SYDE1: variants seen among roughly 807,000 people sequenced by gnomAD.
The protein encoded by SYDE1 is rho GTPase-activating protein SYDE1.
A neutral mutation model predicts 63.3 loss-of-function variants in SYDE1; 34 were observed. The ratio of observed to expected loss-of-function variants is 0.54; its 90% CI spans 0.41 to 0.71. The LOEUF (loss-of-function observed/expected upper bound fraction) is 0.71, where lower values mean the gene tolerates loss of function less well. SYDE1 is among the 30% of genes least tolerant of loss of function. The probability of loss-of-function intolerance (pLI) is 0.00; values close to 1 mark genes in which losing one functional copy is unlikely to be tolerated. For missense variants in SYDE1, 925 were observed against 1,042.5 expected, an observed-to-expected ratio of 0.89 and a Z score of 1.55; for synonymous variants, 467 against 473.4, an observed-to-expected ratio of 0.99 and a Z score of 0.18.
Position 15,110,604 on chromosome 19 carries a change from G to A in SYDE1, c.1159G>A (p.Ala387Thr), listed in dbSNP as rs1402402297. The A allele has an allele frequency of 6.3e-7, 1 of 1,592,746 alleles. No individual in the cohort carries two copies. The highest frequency in any genetic ancestry group is 1.3e-5 in the African/African-American group (1 of 74,584). Residue 387 changes from alanine to threonine, a missense_variant, in exon 4 of 8, where the codon GCC becomes ACC. Around this residue, in one of 3 missense-constraint regions of SYDE1, gnomAD observed 599 missense variants for 653.7 expected, o/e 0.92. Transcript: ENST00000342784. The surrounding 1 kb of genome is among the most constrained non-coding windows in gnomAD (Gnocchi z 6.9). ...AKLTLSEQQE[A>T]PATAEPRVFG... Reference sequence around the variant, plus strand: ...GCTGACCCTGTCGGAGCAGCAGGAAGCCCCTGCCACAGCTGAGCCCCGCGT... The same window carrying A: ...GCTGACCCTGTCGGAGCAGCAGGAAACCCCTGCCACAGCTGAGCCCCGCGT...
rs762030826 is a variant in SYDE1, at chr19:15,109,160, A to C, written c.193A>C (p.Arg65=). 23 of 1,553,108 alleles carry C rather than the reference A, an allele frequency of 1.5e-5. No individual in the cohort carries two copies. The highest frequency in any genetic ancestry group is 1.6e-5 in the Non-Finnish European group (18 of 1,147,886). The change falls in exon 2 of 8, where the codon AGG becomes CGG. Residue 65 remains arginine, a synonymous_variant. Transcript: ENST00000342784. The surrounding 1 kb of genome is among the most constrained non-coding windows in gnomAD (Gnocchi z 5.0). ...GGGGCCCTCCAGCCCCGAGGCATCAAGGAGCCCTGCACGGGGAGCCTACCT... is the reference window on the plus strand; with the variant it reads ...GGGGCCCTCCAGCCCCGAGGCATCACGGAGCCCTGCACGGGGAGCCTACCT... ...AEGPSSPEAS[R]SPARGAYLQS... is the part of the protein sequence containing the mutation.
In SYDE1 at chr19:15,109,955, G is replaced by T; in HGVS notation, c.682G>T (p.Gly228Cys). The change falls in exon 3 of 8, where the codon GGT becomes TGT. Residue 228 changes from glycine to cysteine, a missense_variant. This residue lies in a region of SYDE1 where 599 missense variants were observed against 653.7 expected (regional missense o/e 0.92). Coordinates refer to ENST00000342784, the MANE Select transcript of SYDE1 (RefSeq NM_033025.6). The surrounding 1 kb of genome is among the most constrained non-coding windows in gnomAD (Gnocchi z 5.0). ...TGGGGGCACCCGGAGCCCGAGGGCC[G>T]GTTACCTCAGCGACGGGGACTCACC... is the stretch of plus-strand genomic sequence containing the variant. Reference protein sequence around the residue: ...GPGGTRSPRAGYLSDGDSPER... With the variant: ...GPGGTRSPRACYLSDGDSPER... The T allele has an allele frequency of 1.4e-6, 2 of 1,470,708 alleles. No homozygotes were observed. The highest frequency in any genetic ancestry group is 1.8e-6 in the Non-Finnish European group (2 of 1,118,796). 91.1% of individuals were successfully genotyped at this position (1,470,708 alleles called of 1,614,324 possible).
chr19:15,112,304 G>A (rs1295079426), intron 6 of SYDE1, 42 bp from the exon 7 acceptor site: 1 of 1,422,652 alleles, frequency 7.0e-7, no homozygotes, highest in East Asian at 2.5e-5. Flanking sequence ...TGCCACAGGG[G>A]CCTGACTTTG....
Position 15,108,298 on chromosome 19 carries a change from CTTCCCAAAGA to C in SYDE1, c.89-750_89-741del, listed in dbSNP as rs1198363404. 6.6e-6 allele frequency among the ~76,000 whole-genome samples: 1 copy of C among 152,160 alleles called. No individual in the cohort carries two copies. Among genetic ancestry groups the C allele is most frequent in the African/African-American group, 2.4e-5 (1 of 41,434 alleles). ...ATGGACGTACCCCTTCCCCCCAGGC[CTTCCCAAAGA>C]TTCCCAATGTTCCCAGGGAAGGGAG... On this transcript the variant is annotated intron_variant, in intron 1 of 7. Coordinates refer to ENST00000342784, the MANE Select transcript of SYDE1 (RefSeq NM_033025.6). This position sits in a 1 kb window ranked among gnomAD's most constrained non-coding sequence, Gnocchi z 4.3.
At chr19:15,113,435 T>G (rs2046358988) in intron 7 of SYDE1, 125 bp from the exon 8 acceptor site, 1 of 1,139,422 alleles carries the variant, frequency 8.8e-7, no homozygotes, top group Admixed American at 2.4e-5. Flanking sequence ...GTCCTAGCTC[T>G]GCCAGTGAAA....
chr19:15,109,482 C>T lies in SYDE1; in HGVS notation c.430+85C>T. The T allele has an allele frequency of 7.0e-7, 1 of 1,421,192 alleles. No individual in the cohort carries two copies. Among genetic ancestry groups the T allele is most frequent in the African/African-American group, 1.4e-5 (1 of 69,144 alleles). The allele number at this position is 1,421,192 out of a possible 1,614,324, so 88.0% of individuals were successfully genotyped here. A position where few individuals can be genotyped will look rare whatever the true frequency, so the allele number is the denominator to read the frequency against. ...TTCAGGGTAGCACCAGCCTCACACT[C>T]CCTCCTCCCAGAGGAGCACCAACCT... is the stretch of plus-strand genomic sequence containing the variant. On this transcript the variant is annotated intron_variant, in intron 2 of 7. Coordinates refer to ENST00000342784, the MANE Select transcript of SYDE1 (RefSeq NM_033025.6). The surrounding 1 kb of genome is among the most constrained non-coding windows in gnomAD (Gnocchi z 5.0).
In SYDE1 at chr19:15,110,400, G is replaced by A. The variant is rs1470382500; in HGVS notation, c.1075+52G>A. The A allele has an allele frequency of 1.4e-6, 2 of 1,441,964 alleles. No homozygotes were observed. Among genetic ancestry groups the A allele is most frequent in the African/African-American group, 1.4e-5 (1 of 70,296 alleles). The allele number at this position is 1,441,964 out of a possible 1,614,324, so 89.3% of individuals were successfully genotyped here. On this transcript the variant is annotated intron_variant, in intron 3 of 7. Transcript: ENST00000342784. The surrounding 1 kb of genome is among the most constrained non-coding windows in gnomAD (Gnocchi z 6.9). Reference sequence around the variant, plus strand: ...GGGGCAGGGACCCCCAAACCCCACCGCCACCCCCCGCAGAGTGCCTAGGGG... The same window carrying A: ...GGGGCAGGGACCCCCAAACCCCACCACCACCCCCCGCAGAGTGCCTAGGGG...
Position 15,111,735 on chromosome 19 carries a change from TC to T in SYDE1, c.1527del (p.Thr510ProfsTer20), listed in dbSNP as rs770943850. 5 of 1,609,166 alleles carry T rather than the reference TC, an allele frequency of 3.1e-6. No homozygotes were observed. The highest frequency in any genetic ancestry group is 4.2e-6 in the Non-Finnish European group (5 of 1,177,656). On this transcript the variant is annotated frameshift_variant, in exon 6 of 8. Transcript: ENST00000342784. LOFTEE classifies it high-confidence loss of function. The surrounding 1 kb of genome is among the most constrained non-coding windows in gnomAD (Gnocchi z 5.5). ...TGGCCCGGGACCCCCCAAACAGAGT[TC>T]CCCCCACCACTGAGGGCACCCGAGG... The part of the protein sequence containing the change: ...AMARDPPNRV[P>X]PTTEGTRGLL...
At position 15,113,878 on chromosome 19, in the gene SYDE1, A is replaced by T. The variant is rs745825704; in HGVS notation, c.2123A>T (p.Asn708Ile). 1 of 1,614,120 alleles carries T rather than the reference A, an allele frequency of 6.2e-7. No homozygotes were observed. The highest frequency in any genetic ancestry group is 1.7e-5 in the Admixed American group (1 of 60,028). Residue 708 changes from asparagine (N) to isoleucine (I), a missense_variant, in exon 8 of 8, where the codon AAC becomes ATC. Coordinates refer to ENST00000342784, the MANE Select transcript of SYDE1 (RefSeq NM_033025.6). ...GAAGACGACTTCGATGCGCCCTTCA[A>T]CCCGCACCTGAATCTCAAAGACTTC... ...DFEDDFDAPFNPHLNLKDFDA... is the reference protein window; with the variant it reads ...DFEDDFDAPFIPHLNLKDFDA...
Position 15,109,071 on chromosome 19 carries a change from G to A in SYDE1, c.104G>A (p.Arg35His), listed in dbSNP as rs779428186. ...DAKERGHPAQ[R>H]PEPSPPEPEP... ...TCTCTGCCAGGCCACCCAGCCCAGC[G>A]CCCAGAGCCCAGCCCTCCAGAGCCA... Residue 35 changes from arginine (R) to histidine (H), a missense_variant, in exon 2 of 8, where the codon CGC becomes CAC. Coordinates refer to ENST00000342784, the MANE Select transcript of SYDE1 (RefSeq NM_033025.6). The surrounding 1 kb of genome is among the most constrained non-coding windows in gnomAD (Gnocchi z 5.0). The A allele has an allele frequency of 1.9e-5, 28 of 1,507,518 alleles. 1 individual carries two copies. Among genetic ancestry groups the A allele is most frequent in the South Asian group, 1.5e-4 (12 of 78,010 alleles). The allele number at this position is 1,507,518 out of a possible 1,614,324, so 93.4% of individuals were successfully genotyped here. A position where few individuals can be genotyped will look rare whatever the true frequency, so the allele number is the denominator to read the frequency against.
rs777374837 is a variant in SYDE1, at chr19:15,113,864, C to G, written c.2109C>G (p.Phe703Leu). Residue 703 changes from phenylalanine to leucine, a missense_variant, in exon 8 of 8, where the codon TTC (phenylalanine) becomes TTG (leucine). Coordinates refer to ENST00000342784, the MANE Select transcript of SYDE1 (RefSeq NM_033025.6). ...TCACCGGTGACTTCGAAGACGACTT[C>G]GATGCGCCCTTCAACCCGCACCTGA... ...PRVTGDFEDD[F>L]DAPFNPHLNL... 6 of 1,614,202 alleles carry G rather than the reference C, an allele frequency of 3.7e-6. No individual in the cohort carries two copies. In the South Asian group the frequency reaches 6.6e-5, roughly 18 times the overall value.
In SYDE1 at chr19:15,109,327, C is replaced by G; in HGVS notation, c.360C>G (p.Pro120=). The change falls in exon 2 of 8, where the codon CCC becomes CCG. Residue 120 remains proline (P), a synonymous_variant. Transcript: ENST00000342784. This position sits in a 1 kb window ranked among gnomAD's most constrained non-coding sequence, Gnocchi z 5.0. ...IWYNPIPEED[P]RPPAPEPPGP... is the part of the protein sequence containing the mutation. ...ACAACCCCATCCCTGAGGAAGACCCCAGACCTCCAGCACCTGAGCCCCCGG... is the reference window on the plus strand; with the variant it reads ...ACAACCCCATCCCTGAGGAAGACCCGAGACCTCCAGCACCTGAGCCCCCGG... 6.2e-7 allele frequency: 1 copy of G among 1,609,074 alleles called. No homozygotes were observed. The highest frequency in any genetic ancestry group is 8.5e-7 in the Non-Finnish European group (1 of 1,176,908).
rs1275837656 is a variant in SYDE1, at chr19:15,110,742, A to ACCCAC, written c.1290+17_1290+21dup. On this transcript the variant is annotated splice_region_variant and intron_variant, in intron 4 of 7. Transcript: ENST00000342784. This position sits in a 1 kb window ranked among gnomAD's most constrained non-coding sequence, Gnocchi z 6.9. The stretch of plus-strand genomic sequence containing the variant: ...CGAGCGCCGAGGGCTGCGGGTGAGC[A>ACCCAC]CCCACCCCACCCCAACCCTCTGGCC... The ACCCAC allele has an allele frequency of 2.0e-6, 3 of 1,530,478 alleles. No homozygotes were observed. The highest frequency in any genetic ancestry group is 1.8e-6 in the Non-Finnish European group (2 of 1,139,072). The allele number at this position is 1,530,478 out of a possible 1,614,324, so 94.8% of individuals were successfully genotyped here.
chr19:15,109,793 C>T lies in SYDE1; in HGVS notation c.520C>T (p.Pro174Ser). Residue 174 changes from proline to serine, a missense_variant, in exon 3 of 8, where the codon CCG (proline) becomes TCG (serine). Coordinates refer to ENST00000342784, the MANE Select transcript of SYDE1 (RefSeq NM_033025.6). This position sits in a 1 kb window ranked among gnomAD's most constrained non-coding sequence, Gnocchi z 5.0. ...CCTCTCCATAAAGATGAAGAAGCTGCCGGAACTGCGGCGCCGCCTGAGCCT... is the reference window on the plus strand; with the variant it reads ...CCTCTCCATAAAGATGAAGAAGCTGTCGGAACTGCGGCGCCGCCTGAGCCT... ...RRLSIKMKKL[P>S]ELRRRLSLRG... 1.3e-6 allele frequency: 2 copies of T among 1,537,472 alleles called. No individual in the cohort carries two copies. The highest frequency in any genetic ancestry group is 1.7e-6 in the Non-Finnish European group (2 of 1,145,662).
At position 15,110,044 on chromosome 19, in the gene SYDE1, C is replaced by T; in HGVS notation, c.771C>T (p.Ala257=). The T allele has an allele frequency of 6.7e-7, 1 of 1,500,828 alleles. No homozygotes were observed. Among genetic ancestry groups the T allele is most frequent in the Non-Finnish European group, 8.8e-7 (1 of 1,132,946 alleles). The allele number at this position is 1,500,828 out of a possible 1,614,324, so 93.0% of individuals were successfully genotyped here. ...SFRPYEVGPA[A]RAPPAALWGR... is the part of the protein sequence containing the mutation. The stretch of plus-strand genomic sequence containing the variant: ...GGCCCTACGAGGTGGGTCCCGCAGC[C>T]CGGGCACCCCCGGCCGCACTCTGGG... The change falls in exon 3 of 8, where the codon GCC becomes GCT. Residue 257 remains alanine, a synonymous_variant. Transcript: ENST00000342784. The surrounding 1 kb of genome is among the most constrained non-coding windows in gnomAD (Gnocchi z 6.9).
chr19:15,111,454 C>G lies in SYDE1; in HGVS notation c.1417+15C>G, dbSNP rs769613659. ...TGTCATCACTGGTCAGCATGGCCCC[C>G]TCTCCCCTGCCTGCTCACCCCCATT... On this transcript the variant is annotated intron_variant, in intron 5 of 7. Transcript: ENST00000342784. The surrounding 1 kb of genome is among the most constrained non-coding windows in gnomAD (Gnocchi z 5.5). 7.4e-6 allele frequency: 12 copies of G among 1,613,134 alleles called. 1 individual carries two copies. The South Asian group carries it at 1.3e-4, about 18-fold the overall frequency.
chr19:15,114,675 G>C lies in SYDE1; in HGVS notation c.*712G>C, dbSNP rs2046373470. 1 of 137,478 alleles carries C rather than the reference G, an allele frequency of 7.3e-6. No individual in the cohort carries two copies. Among genetic ancestry groups the C allele is most frequent in the African/African-American group, 2.7e-5 (1 of 36,374 alleles). The allele number at this position is 137,478 out of a possible 1,614,324, so 8.5% of individuals were successfully genotyped here. A position where few individuals can be genotyped will look rare whatever the true frequency, so the allele number is the denominator to read the frequency against. On this transcript the variant is annotated 3_prime_UTR_variant, in exon 8 of 8. Transcript: ENST00000342784. ...AGCACTTAAACCCCTCCCTTTTGGA[G>C]GGGGCCCCCTGAAGCGTCAGGCTGG...
chr19:15,111,364 C>A lies in SYDE1; in HGVS notation c.1342C>A (p.Arg448=). ...CTCAGCGGCAGTGAAGAAAGAGCTT[C>A]GGGATGCCTTTGAGCGGGACAGTGC... ...CGSAAVKKEL[R]DAFERDSAAV... is the part of the protein sequence containing the mutation. The change falls in exon 5 of 8, where the codon CGG becomes AGG. Residue 448 remains arginine, a synonymous_variant. Transcript: ENST00000342784. The surrounding 1 kb of genome is among the most constrained non-coding windows in gnomAD (Gnocchi z 5.5). 6.2e-7 allele frequency: 1 copy of A among 1,614,136 alleles called. No homozygotes were observed. Among genetic ancestry groups the A allele is most frequent in the Non-Finnish European group, 8.5e-7 (1 of 1,179,994 alleles).
chr19:15,113,481 A>G (rs2046359291), intron 7 of SYDE1, 79 bp from the exon 8 acceptor site: 1 of 1,477,298 alleles, frequency 6.8e-7, no homozygotes, highest in African/African-American at 1.4e-5. Context: ...CCACAGGCCA[A>G]TCAGGAGCCT....
Sources: gnomAD v4.1 joint callset for allele counts (sites outside exome capture counted in the v4.1 genomes callset) on GRCh38, gnomAD v4.1.1 for gene constraint, gnomAD v4.1.1 regional missense constraint, Gnocchi (gnomAD v3.1) non-coding constraint, MANE v1.5 for transcripts, NCBI Gene and HGNC (gene_info 2026-07-23, HGNC 2026-07-21) for gene names.